Variants in TCF4 observed in about 807,000 individuals in gnomAD.
TCF4 encodes transcription factor 4, also known as SL3-3 enhancer factor 2.
TCF4 carries 3 observed loss-of-function variants against 82.1 expected under a neutral mutation model. The ratio of observed to expected loss-of-function variants is 0.04; its 90% CI spans 0.02 to 0.09. The LOEUF (loss-of-function observed/expected upper bound fraction) is 0.09, where lower values mean the gene tolerates loss of function less well. Among genes scored for constraint, TCF4 ranks in the 10% least tolerant of loss-of-function variants. The probability of loss-of-function intolerance (pLI) is 1.00; values close to 1 mark genes in which losing one functional copy is unlikely to be tolerated. For missense variants in TCF4, 518 were observed against 852.7 expected (o/e 0.61, Z 4.89); for synonymous variants, 276 against 309.6 (o/e 0.89, Z 1.14).
chr18:55,546,958 G>A (rs1389540692), intron 3 of TCF4: 1 of 152,212 alleles, frequency 6.6e-6, no homozygotes, highest in Non-Finnish European at 1.5e-5. Context: ...AAGAAACAGG[G>A]ACAGAAAACC....
At chr18:55,519,543 G>T (rs1318765408) in intron 3 of TCF4, among the ~76,000 whole-genome samples, 3 of 151,856 alleles carry the variant, frequency 2.0e-5, no homozygotes, top group African/African-American at 7.3e-5. Context: ...CTCTCTCAGA[G>T]ATACTTTGGC....
At chr18:55,507,759 T>C (rs1047235928) in intron 3 of TCF4, among the ~76,000 whole-genome samples, 3 of 152,092 alleles carry the variant, frequency 2.0e-5, no homozygotes, top group South Asian at 2.1e-4. Flanking sequence ...TGGGTGTGGA[T>C]TGGGGAGAAG....
chr18:55,238,900 A>G (rs2050340412), intron 15 of TCF4, among the ~76,000 whole-genome samples: 1 of 152,226 alleles, frequency 6.6e-6, no homozygotes, highest in Non-Finnish European at 1.5e-5. Context: ...GACATAGGTC[A>G]TACTATGAAT....
chr18:55,239,245 T>C (rs1264484618), intron 15 of TCF4, among the ~76,000 whole-genome samples: 2 of 152,210 alleles, frequency 1.3e-5, no homozygotes, highest in Non-Finnish European at 2.9e-5. Flanking sequence ...AGAAACACTT[T>C]TAAATCACAG....
chr18:55,259,956 A>G lies in TCF4; in HGVS notation c.1062T>C (p.Ser354=), dbSNP rs779194295. The G allele has an allele frequency of 4.3e-6, 7 of 1,611,334 alleles. No individual in the cohort carries two copies. The highest frequency in any genetic ancestry group is 5.9e-6 in the Non-Finnish European group (7 of 1,177,654). Residue 354 remains serine (S), a synonymous_variant, in exon 13 of 20, where the codon TCT becomes TCC. Coordinates refer to ENST00000354452, the MANE Select transcript of TCF4 (RefSeq NM_001083962.2). ...NPSTPVGSPP[S]LSAGTAVWSR... is the part of the protein sequence containing the mutation. ...GGATTTGAAATACACTACCTGAGAG[A>G]GATGGAGGAGAGCCAACAGGAGTTG... is the stretch of plus-strand genomic sequence containing the variant.
chr18:55,495,551 A>T (rs1046102927), intron 3 of TCF4: 1 of 152,180 alleles, frequency 6.6e-6, no homozygotes, highest in African/African-American at 2.4e-5. Context: ...TTATTAAAAG[A>T]AAAATGTGAA....
At chr18:55,359,021 A>G (rs1484596159) in intron 6 of TCF4, among the ~76,000 whole-genome samples, 5 of 152,234 alleles carry the variant, frequency 3.3e-5, no homozygotes, top group African/African-American at 1.2e-4. Context: ...AGAATGTGTT[A>G]TATTATAATG....
chr18:55,363,931 T>C (rs1261181468), intron 6 of TCF4, among the ~76,000 whole-genome samples: 4 of 152,178 alleles, frequency 2.6e-5, no homozygotes, highest in Non-Finnish European at 4.4e-5. Context: ...AGCTCTTACA[T>C]TGTAATAAGA....
intron 8 of TCF4, chr18:55,321,829 C>G: frequency 6.7e-7 from 1 of 1,495,378 alleles, no homozygotes. Flanking sequence ...CCTTCAGTTG[C>G]ATTTTCCCAT....
At chr18:55,525,131 CTTAA>C (rs2096968084) in intron 3 of TCF4, among the ~76,000 whole-genome samples, 1 of 151,906 alleles carries the variant, frequency 6.6e-6, no homozygotes, top group Non-Finnish European at 1.5e-5. Flanking sequence ...AGCTAGCTTT[CTTAA>C]CTACTATATC....
At chr18:55,344,020 C>G (rs938390283) in intron 8 of TCF4, among the ~76,000 whole-genome samples, 1 of 152,136 alleles carries the variant, frequency 6.6e-6, no homozygotes, top group Admixed American at 6.6e-5. Flanking sequence ...CTGTCAACAG[C>G]CTGACAAGTA....
chr18:55,538,156 T>C (rs1212318563), intron 3 of TCF4, among the ~76,000 whole-genome samples: 1 of 152,100 alleles, frequency 6.6e-6, no homozygotes, highest in Non-Finnish European at 1.5e-5. Flanking sequence ...TACTGGTAAA[T>C]GAGTATGCTA....
chr18:55,630,914 T>A (rs1411131416), intron 2 of TCF4, among the ~76,000 whole-genome samples: 1 of 152,210 alleles, frequency 6.6e-6, no homozygotes, highest in African/African-American at 2.4e-5. Flanking sequence ...TTTGTCCTAT[T>A]TGAAAATAGC....
At chr18:55,608,524 A>T (rs2097704279) in intron 2 of TCF4, among the ~76,000 whole-genome samples, 1 of 152,158 alleles carries the variant, frequency 6.6e-6, no homozygotes, top group Admixed American at 6.6e-5. Flanking sequence ...CCATTTAAAG[A>T]ATAAAAGAGA....
At chr18:55,275,845 TTG>T (rs2061415724) in intron 9 of TCF4, 93 bp from the exon 10 acceptor site, 2 of 1,505,966 alleles carry the variant, frequency 1.3e-6, no homozygotes, top group African/African-American at 1.4e-5. Flanking sequence ...TGACTGCCTG[TTG>T]TGTTATTCAT....
At chr18:55,360,971 C>T (rs913641469) in intron 6 of TCF4, among the ~76,000 whole-genome samples, 4 of 152,036 alleles carry the variant, frequency 2.6e-5, no homozygotes, top group South Asian at 2.1e-4. Flanking sequence ...GTGATCCACC[C>T]GCGCTGGCCT....
chr18:55,295,769 G>C (rs2146754855), intron 8 of TCF4, among the ~76,000 whole-genome samples: 1 of 152,034 alleles, frequency 6.6e-6, no homozygotes, highest in Middle Eastern at 3.4e-3. Context: ...ACTACTTCTG[G>C]GTCACCGGAT....
rs111823367 is a variant in TCF4, at chr18:55,360,958, C to T, written c.370-9955G>A. On this transcript the variant is annotated intron_variant, in intron 6 of 19. Coordinates refer to ENST00000354452, the MANE Select transcript of TCF4 (RefSeq NM_001083962.2). ...GCCATGATGATTTCAATCTCTTGACCTCGTGATCCACCCGCGCTGGCCTCC... is the reference window on the plus strand; with the variant it reads ...GCCATGATGATTTCAATCTCTTGACTTCGTGATCCACCCGCGCTGGCCTCC... 7.1e-3 allele frequency among the ~76,000 whole-genome samples: 1,084 copies of T among 152,158 alleles called. 18 individuals carry two copies. Among genetic ancestry groups the T allele is most frequent in the African/African-American group, 0.024 (1,013 of 41,526 alleles).
chr18:55,588,345 G>C (rs1379032265), upstream of TCF4: 90 of 1,486,444 alleles, frequency 6.1e-5, no homozygotes, highest in South Asian at 6.4e-4. Context: ...GCGGGGAGAC[G>C]CGACTTGCTC....
Sources: gnomAD v4.1 joint callset for allele counts (sites outside exome capture counted in the v4.1 genomes callset) on GRCh38, gnomAD v4.1.1 for gene constraint, MANE v1.5 for transcripts, NCBI Gene and HGNC (gene_info 2026-07-23, HGNC 2026-07-21) for gene names.